SPAG6: variants seen among roughly 807,000 people sequenced by gnomAD.
SPAG6 encodes sperm associated antigen 6, also known as sperm-associated antigen 6.
SPAG6 carries 49 observed loss-of-function variants against 58.5 expected under a neutral mutation model. The ratio of observed to expected loss-of-function variants is 0.84; its 90% CI spans 0.67 to 1.06. The LOEUF (loss-of-function observed/expected upper bound fraction) is 1.06, where lower values mean the gene tolerates loss of function less well. SPAG6 is among the 50% of genes least tolerant of loss of function. The pLI is 0.00. For missense variants in SPAG6, 560 were observed against 611.3 expected (o/e 0.92, Z 0.89); for synonymous variants, 233 against 225.6 (o/e 1.03, Z -0.29).
chr10:22,410,690 G>T (rs957091816), intron 9 of SPAG6, among the ~76,000 whole-genome samples: 6 of 152,140 alleles, frequency 3.9e-5, no homozygotes, highest in Non-Finnish European at 7.3e-5. Context: ...TAGGAGCTGG[G>T]TCCCAGAGGA....
intron 5 of SPAG6, 99 bp from the exon 6 acceptor site, chr10:22,387,724 A>T: frequency 8.5e-7 from 1 of 1,180,164 alleles, no homozygotes; most frequent in Non-Finnish European, 1.1e-6. Flanking sequence ...CCTTTTATAA[A>T]GGAATTTGAA....
intron 9 of SPAG6, among the ~76,000 whole-genome samples, chr10:22,406,480 T>G (rs1834559536): frequency 6.6e-6 from 1 of 152,240 alleles, no homozygotes; most frequent in African/African-American, 2.4e-5. Context: ...AGTTCTAGTT[T>G]GATTGCACTG....
At chr10:22,383,672 G>GAAGAA (rs1417334700) in intron 4 of SPAG6, among the ~76,000 whole-genome samples, 13 of 151,946 alleles carry the variant, frequency 8.6e-5, no homozygotes, top group Non-Finnish European at 1.9e-4. Context: ...CAGAAAGAAA[G>GAAGAA]AAGAAAAGAG....
In SPAG6 at chr10:22,364,752, A is replaced by AT. The variant is rs532491059; in HGVS notation, c.122-95dup. ...ATGGTGAATAGTTTTATTTTTACTG[A>AT]TTTTTTCCCTTTAATTTTACTGTCT... On this transcript the variant is annotated intron_variant, in intron 2 of 10. Coordinates refer to ENST00000376624, the MANE Select transcript of SPAG6 (RefSeq NM_012443.4). The AT allele has an allele frequency of 2.1e-3, 1,666 of 802,124 alleles. 6 individuals are homozygous for AT. Among genetic ancestry groups the AT allele is most frequent in the Middle Eastern group, 7.8e-3 (28 of 3,598 alleles). The allele number at this position is 802,124 out of a possible 1,614,324, so 49.7% of individuals were successfully genotyped here. A position where few individuals can be genotyped will look rare whatever the true frequency, so the allele number is the denominator to read the frequency against.
chr10:22,374,857 T>C (rs1833781518), intron 4 of SPAG6, among the ~76,000 whole-genome samples: 1 of 152,192 alleles, frequency 6.6e-6, no homozygotes. Flanking sequence ...AAGAACTTTG[T>C]TACATCCAGA....
At position 22,416,686 on chromosome 10, in the gene SPAG6, T is replaced by C. The variant is rs770090258; in HGVS notation, c.1528T>C (p.Ter510ArgextTer20). Residue 510 changes from the stop codon to arginine, a stop_lost, in exon 11 of 11, where the codon TGA becomes CGA. Transcript: ENST00000376624. Reference protein sequence around the residue: ...RVDSYQPLNN* With the variant: ...RVDSYQPLNNR ...GGACAGCTATCAACCACTTAATAAC[T>C]GAGCAAAGTTATATTGTGATACTCA... The C allele has an allele frequency of 6.3e-7, 1 of 1,587,752 alleles. No homozygotes were observed. The highest frequency in any genetic ancestry group is 2.2e-5 in the East Asian group (1 of 44,688).
chr10:22,412,004 A>G (rs1198542675), intron 10 of SPAG6, among the ~76,000 whole-genome samples: 1 of 151,904 alleles, frequency 6.6e-6, no homozygotes, highest in Non-Finnish European at 1.5e-5. Context: ...GCCCGCCATC[A>G]CGCCCAGCTA....
chr10:22,382,176 T>A (rs1267074507), intron 4 of SPAG6, among the ~76,000 whole-genome samples: 1 of 152,166 alleles, frequency 6.6e-6, no homozygotes, highest in East Asian at 1.9e-4. Context: ...GGCAGAGAAG[T>A]GTGAAAAGAT....
chr10:22,408,792 T>C (rs1489369278), intron 9 of SPAG6, among the ~76,000 whole-genome samples: 1 of 152,246 alleles, frequency 6.6e-6, no homozygotes, highest in South Asian at 2.1e-4. Context: ...AGCGAGACTC[T>C]GTGGGGGTAG....
Position 22,389,296 on chromosome 10 carries a change from C to A in SPAG6, c.989C>A (p.Ala330Glu). Residue 330 changes from alanine (A) to glutamate (E), a missense_variant, in exon 7 of 11, where the codon GCA (alanine) becomes GAA (glutamate). Coordinates refer to ENST00000376624, the MANE Select transcript of SPAG6 (RefSeq NM_012443.4). ...GCTCATTCTGAGAACCTAGCAATGG[C>A]AGTCATCATTTCTAAGGTTTGTTCT... ...VAAHSENLAM[A>E]VIISKGVPQL... 1 of 1,611,930 alleles carries A rather than the reference C, an allele frequency of 6.2e-7. No individual in the cohort carries two copies. The highest frequency in any genetic ancestry group is 8.5e-7 in the Non-Finnish European group (1 of 1,179,476).
intron 4 of SPAG6, among the ~76,000 whole-genome samples, chr10:22,371,231 A>G (rs1208364749): frequency 6.6e-6 from 1 of 152,214 alleles, no homozygotes. Context: ...ATCAATGAAA[A>G]TGGAGGATTT....
intron 2 of SPAG6, among the ~76,000 whole-genome samples, chr10:22,363,884 C>T (rs527466504): frequency 2.1e-4 from 32 of 152,190 alleles, no homozygotes; most frequent in African/African-American, 7.2e-4. Flanking sequence ...AGAAAGTCAA[C>T]GGGTACTTTG....
intron 2 of SPAG6, among the ~76,000 whole-genome samples, chr10:22,362,274 A>C (rs1837067486): frequency 6.7e-6 from 1 of 150,002 alleles, no homozygotes; most frequent in South Asian, 2.1e-4. Context: ...CAGAATAATC[A>C]GGAAAAAATA....
At chr10:22,407,940 G>A (rs1275464934) in intron 9 of SPAG6, among the ~76,000 whole-genome samples, 1 of 147,686 alleles carries the variant, frequency 6.8e-6, no homozygotes, top group Non-Finnish European at 1.5e-5. Flanking sequence ...TGGCTCCTGA[G>A]GCTTCTGCAT....
At chr10:22,392,546 T>A (rs1045216970) in intron 8 of SPAG6, among the ~76,000 whole-genome samples, 5 of 151,312 alleles carry the variant, frequency 3.3e-5, no homozygotes, top group African/African-American at 1.2e-4. Flanking sequence ...TTTTATAATT[T>A]AAAAAAAAAG....
At chr10:22,390,576 G>C (rs1175731172) in intron 7 of SPAG6, among the ~76,000 whole-genome samples, 1 of 152,140 alleles carries the variant, frequency 6.6e-6, no homozygotes, top group Non-Finnish European at 1.5e-5. Flanking sequence ...TAATTTTAAA[G>C]CAAATTTGCA....
intron 9 of SPAG6, among the ~76,000 whole-genome samples, chr10:22,406,880 A>C (rs1834571234): frequency 6.6e-6 from 1 of 151,040 alleles, no homozygotes; most frequent in Non-Finnish European, 1.5e-5. Context: ...TGATCCCTTT[A>C]CCATTATGTA....
At chr10:22,367,885 A>T (rs7893987) in intron 3 of SPAG6, among the ~76,000 whole-genome samples, 7,172 of 152,260 alleles carry the variant, frequency 0.047, 585 homozygotes, top group African/African-American at 0.16. Flanking sequence ...AAAATAACTT[A>T]TATCCCATTG....
chr10:22,358,411 C>T lies in SPAG6; in HGVS notation c.122-6442C>T, dbSNP rs1035789092. On this transcript the variant is annotated intron_variant, in intron 2 of 10. Transcript: ENST00000376624. Reference sequence around the variant, plus strand: ...TTGAGAAGTGTCTGTTCATATCCTTCGCCCACTTTTTGATGGGGTTGTTTT... The same window carrying T: ...TTGAGAAGTGTCTGTTCATATCCTTTGCCCACTTTTTGATGGGGTTGTTTT... Among the ~76,000 whole-genome samples the T allele has an allele frequency of 3.4e-4, 52 of 151,616 alleles. 2 individuals are homozygous for T. Among genetic ancestry groups the T allele is most frequent in the Middle Eastern group, 3.4e-3 (1 of 294 alleles).
Sources: allele counts gnomAD v4.1 joint callset (sites outside exome capture counted in the v4.1 genomes callset), GRCh38; gene constraint gnomAD v4.1.1; transcripts MANE v1.5; gene names NCBI Gene and HGNC (gene_info 2026-07-23, HGNC 2026-07-21).